CACNG2: variants seen among roughly 807,000 people sequenced by gnomAD.
CACNG2 encodes the protein voltage-dependent calcium channel gamma-2 subunit.
In CACNG2, 3 loss-of-function variants were observed where a neutral mutation model predicts 25.9. The ratio of observed to expected loss-of-function variants is 0.12; its 90% CI spans 0.05 to 0.30. CACNG2 has a LOEUF of 0.30. Ranked by LOEUF, CACNG2 falls within the 10% of genes least tolerant of loss-of-function variation. The pLI, the probability that CACNG2 is intolerant of heterozygous loss-of-function variation, is 1.00. For synonymous variants in CACNG2, 167 were observed against 173.3 expected (o/e 0.96, Z 0.29); for missense variants, 341 against 432.5 (o/e 0.79, Z 1.88).
At chr22:36,692,657 G>A (rs1226525831) in intron 1 of CACNG2, among the ~76,000 whole-genome samples, 1 of 152,196 alleles carries the variant, frequency 6.6e-6, no homozygotes, top group Non-Finnish European at 1.5e-5. Flanking sequence ...GCAACTCCCA[G>A]AGGCCAGGCC....
Position 36,560,934 on chromosome 22 carries a change from A to C in CACNG2, c.*3417T>G, listed in dbSNP as rs1430474111. 6.7e-6 allele frequency: 1 copy of C among 148,496 alleles called. No homozygotes were observed. Among genetic ancestry groups the C allele is most frequent in the African/African-American group, 2.5e-5 (1 of 39,840 alleles). The allele number at this position is 148,496 out of a possible 1,614,324, so 9.2% of individuals were successfully genotyped here. On this transcript the variant is annotated 3_prime_UTR_variant, in exon 4 of 4. Coordinates refer to ENST00000300105, the MANE Select transcript of CACNG2 (RefSeq NM_006078.5). ...TTTTTTCAGTTTTCTGCTTTTTAAA[A>C]TTTTTTTTCTGTTAACAGTCTGAAA...
intron 1 of CACNG2, among the ~76,000 whole-genome samples, chr22:36,589,484 C>A (rs1935554586): frequency 6.6e-6 from 1 of 152,176 alleles, no homozygotes; most frequent in South Asian, 2.1e-4. Context: ...ATTTTAGGAA[C>A]TTCTGGCTAT....
At chr22:36,595,073 CTGTG>C (rs1385002752) in intron 1 of CACNG2, among the ~76,000 whole-genome samples, 2 of 141,550 alleles carry the variant, frequency 1.4e-5, no homozygotes, top group Non-Finnish European at 3.1e-5. Context: ...GTGTGTGTCT[CTGTG>C]TGTACATGGG....
intron 1 of CACNG2, among the ~76,000 whole-genome samples, chr22:36,688,853 A>G (rs1185778404): frequency 6.6e-6 from 1 of 152,132 alleles, no homozygotes; most frequent in Non-Finnish European, 1.5e-5. Context: ...GGAGCCCCAA[A>G]TCAGTATCCA....
chr22:36,663,349 G>A (rs768122596), intron 1 of CACNG2, among the ~76,000 whole-genome samples: 9 of 152,120 alleles, frequency 5.9e-5, no homozygotes, highest in Non-Finnish European at 1.2e-4. Flanking sequence ...GGGGTACTTC[G>A]AGGAAAGGGC....
intron 1 of CACNG2, among the ~76,000 whole-genome samples, chr22:36,696,325 ATC>A (rs1035592570): frequency 6.6e-6 from 1 of 150,390 alleles, no homozygotes; most frequent in Admixed American, 6.6e-5. Context: ...CTTTCTCTCC[ATC>A]TCTCTCTCCC....
intron 1 of CACNG2, among the ~76,000 whole-genome samples, chr22:36,635,526 A>G (rs777106428): frequency 1.4e-4 from 21 of 152,144 alleles, no homozygotes; most frequent in Non-Finnish European, 2.5e-4. Context: ...ATAGTGGGAG[A>G]AGGCTTAAGT....
chr22:36,638,098 G>A (rs1936385147), intron 1 of CACNG2, among the ~76,000 whole-genome samples: 1 of 152,048 alleles, frequency 6.6e-6, no homozygotes, highest in Non-Finnish European at 1.5e-5. Flanking sequence ...GTGTGGACCT[G>A]TCTGAGTTAT....
At chr22:36,700,983 G>A (rs1167285027) in intron 1 of CACNG2, among the ~76,000 whole-genome samples, 2 of 152,082 alleles carry the variant, frequency 1.3e-5, no homozygotes, top group Non-Finnish European at 2.9e-5. Context: ...AATCATTTCC[G>A]AAAGTGTGGC....
intron 1 of CACNG2, among the ~76,000 whole-genome samples, chr22:36,687,829 G>A (rs1237904404): frequency 6.6e-6 from 1 of 152,094 alleles, no homozygotes; most frequent in African/African-American, 2.4e-5. Context: ...TAGAGGAAGT[G>A]GCTACAGGCC....
In CACNG2 at chr22:36,587,475, T is replaced by C. The variant is rs767523128; in HGVS notation, c.285A>G (p.Glu95=). Reference sequence around the variant, plus strand: ...ATCGTGTGCACTCACGGAGGAAATATTCTGCTGTGTCAGCTTCGTAATCTG... The same window carrying C: ...ATCGTGTGCACTCACGGAGGAAATACTCTGCTGTGTCAGCTTCGTAATCTG... ...EDADYEADTA[E]YFLRAVRASS... Residue 95 remains glutamate, a synonymous_variant, in exon 2 of 4, where the codon GAA becomes GAG. Coordinates refer to ENST00000300105, the MANE Select transcript of CACNG2 (RefSeq NM_006078.5). 1.2e-6 allele frequency: 2 copies of C among 1,611,808 alleles called. No homozygotes were observed. The highest frequency in any genetic ancestry group is 1.7e-6 in the Non-Finnish European group (2 of 1,177,832).
At chr22:36,575,511 T>G (rs1481692877) in intron 2 of CACNG2, among the ~76,000 whole-genome samples, 14 of 109,116 alleles carry the variant, frequency 1.3e-4, no homozygotes, top group African/African-American at 2.5e-4. Flanking sequence ...CGGAGGAGGG[T>G]GGGCTGGTGG....
At position 36,560,961 on chromosome 22, in the gene CACNG2, A is replaced by G. The variant is rs1935018195; in HGVS notation, c.*3390T>C. On this transcript the variant is annotated 3_prime_UTR_variant, in exon 4 of 4. Coordinates refer to ENST00000300105, the MANE Select transcript of CACNG2 (RefSeq NM_006078.5). ...TTTTTTTCTGTTAACAGTCTGAAAAAAAAAAAAAGGACTCACCAAGAAAAT... is the reference window on the plus strand; with the variant it reads ...TTTTTTTCTGTTAACAGTCTGAAAAGAAAAAAAAGGACTCACCAAGAAAAT... 6.6e-6 allele frequency: 1 copy of G among 151,190 alleles called. No homozygotes were observed. The highest frequency in any genetic ancestry group is 1.5e-5 in the Non-Finnish European group (1 of 67,876). 9.4% of individuals were successfully genotyped at this position (151,190 alleles called of 1,614,324 possible).
intron 1 of CACNG2, among the ~76,000 whole-genome samples, chr22:36,653,392 A>C (rs909072007): frequency 4.7e-5 from 6 of 128,232 alleles, no homozygotes; most frequent in African/African-American, 2.6e-4. Context: ...TGTCACATAA[A>C]ACTTTGAATA....
rs151105351 is a variant in CACNG2 at position 36,582,754 on chromosome 22, C to A, written c.295+4711G>T. ...TCCCTACTCTAGAATTCCCCATCCC[C>A]CGTCCCTGCTTGACTTTTTTCCCCA... On this transcript the variant is annotated intron_variant, in intron 2 of 3. Transcript: ENST00000300105. 2.5e-3 allele frequency among the ~76,000 whole-genome samples: 377 copies of A among 151,726 alleles called. 4 individuals are homozygous for A. The highest frequency in any genetic ancestry group is 8.6e-3 in the African/African-American group (355 of 41,330).
chr22:36,650,391 G>A (rs974955891), intron 1 of CACNG2, among the ~76,000 whole-genome samples: 8 of 151,898 alleles, frequency 5.3e-5, no homozygotes, highest in African/African-American at 1.7e-4. Flanking sequence ...TTTTTCTTGA[G>A]ACGGGGTCTT....
intron 1 of CACNG2, among the ~76,000 whole-genome samples, chr22:36,662,281 T>A (rs532582232): frequency 6.6e-6 from 1 of 152,230 alleles, no homozygotes; most frequent in East Asian, 1.9e-4. Flanking sequence ...TGTACCTGGC[T>A]GACTCATTGC....
At position 36,694,685 on chromosome 22, in the gene CACNG2, T is replaced by A. The variant is rs548067419; in HGVS notation, c.211+7681A>T. Among the ~76,000 whole-genome samples the A allele has an allele frequency of 9.2e-4, 140 of 152,284 alleles. 3 individuals are homozygous for A. In the South Asian group the frequency reaches 0.028, roughly 30 times the overall value. On this transcript the variant is annotated intron_variant, in intron 1 of 3. Transcript: ENST00000300105. ...AGCCATTTTGCAAGATTCTTATTCT[T>A]TAGGGTCCCCTGCTAGGACTCCCCT...
chr22:36,586,972 A>G (rs1163304169), intron 2 of CACNG2, among the ~76,000 whole-genome samples: 5 of 146,800 alleles, frequency 3.4e-5, no homozygotes, highest in Middle Eastern at 3.3e-3. Context: ...TTTTTTTTTC[A>G]TTAGAAGTTC....
Sources: allele counts gnomAD v4.1 joint callset (sites outside exome capture counted in the v4.1 genomes callset), GRCh38; gene constraint gnomAD v4.1.1; transcripts MANE v1.5; gene names NCBI Gene and HGNC (gene_info 2026-07-23, HGNC 2026-07-21).